The following SPATA9 variants were observed in gnomAD, a reference collection of about 807,000 sequenced individuals.
SPATA9 encodes spermatogenesis associated 9.
In SPATA9, 27 loss-of-function variants were observed where a neutral mutation model predicts 25.5. The observed-to-expected ratio is 1.06, with a 90% CI of 0.78 to 1.46. SPATA9 has a LOEUF of 1.46. Ranked by LOEUF, SPATA9 falls within the 40% of genes most tolerant of loss-of-function variation. The pLI is 0.00. For synonymous variants in SPATA9, 102 were observed against 105.7 expected (o/e 0.97, Z 0.21); for missense variants, 282 against 297.5 (o/e 0.95, Z 0.38).
chr5:95,680,043 G>A (rs950942129), intron 2 of SPATA9, among the ~76,000 whole-genome samples: 6 of 152,110 alleles, frequency 3.9e-5, no homozygotes, highest in East Asian at 1.9e-4. Context: ...GACTACAGGC[G>A]CCCGCCACAT....
upstream of SPATA9, among the ~76,000 whole-genome samples, chr5:95,700,168 T>C (rs186154162): frequency 6.6e-6 from 1 of 152,318 alleles, no homozygotes; most frequent in East Asian, 1.9e-4. Flanking sequence ...TAACCACCTA[T>C]AGTTTATAAT....
chr5:95,682,946 G>A lies in SPATA9; in HGVS notation c.-92C>T, dbSNP rs529599959. The A allele has an allele frequency of 5.0e-6, 7 of 1,398,610 alleles. No homozygotes were observed. The Admixed American group carries it at 2.0e-4, about 39-fold the overall frequency. 86.6% of individuals were successfully genotyped at this position (1,398,610 alleles called of 1,614,324 possible). ...CTGCCATTAGTGAAAGATGAGGGTA[G>A]CCTTCCACTTGGGAAAGCCAGCAAG... On this transcript the variant is annotated 5_prime_UTR_variant, in exon 1 of 5. Coordinates refer to ENST00000274432, the MANE Select transcript of SPATA9 (RefSeq NM_031952.4).
At chr5:95,658,272 T>C (rs1490615916), downstream of SPATA9, among the ~76,000 whole-genome samples, 1 of 151,202 alleles carries the variant, frequency 6.6e-6, no homozygotes, top group African/African-American at 2.5e-5. Context: ...TTGATGGGGC[T>C]TTTTTTCCTC....
At position 95,672,563 on chromosome 5, in the gene SPATA9, CATAAG is replaced by C. The variant is rs201394175; in HGVS notation, c.378+2844_378+2848del. On this transcript the variant is annotated intron_variant, in intron 3 of 4. Transcript: ENST00000274432. ...TATAAGTGAGATGCAATATAGATCACATAAGATAATTAGAATAAGGGCAAAGAAGA... is the reference window on the plus strand; with the variant it reads ...TATAAGTGAGATGCAATATAGATCACATAATTAGAATAAGGGCAAAGAAGA... Among the ~76,000 whole-genome samples the C allele has an allele frequency of 8.3e-3, 1,260 of 151,244 alleles. 19 individuals carry two copies. Among genetic ancestry groups the C allele is most frequent in the African/African-American group, 0.028 (1,131 of 41,126 alleles).
chr5:95,677,135 T>C (rs1753010663), intron 2 of SPATA9, among the ~76,000 whole-genome samples: 1 of 152,232 alleles, frequency 6.6e-6, no homozygotes, highest in Non-Finnish European at 1.5e-5. Flanking sequence ...TGCACCTCGA[T>C]TTTGCATCCC....
chr5:95,709,307 T>C, the SPATA9 span, among the ~76,000 whole-genome samples: 2 of 152,210 alleles, frequency 1.3e-5, no homozygotes, highest in African/African-American at 4.8e-5. Flanking sequence ...AATGGGCATC[T>C]CTTAGCTTAG....
intron 1 of SPATA9, 88 bp from the exon 2 acceptor site, chr5:95,682,704 T>C (rs1753570626): frequency 6.6e-7 from 1 of 1,504,500 alleles, no homozygotes; most frequent in Non-Finnish European, 9.1e-7. Flanking sequence ...ATCAAATTCC[T>C]AGATGACTCG....
At chr5:95,731,305 T>A in the SPATA9 span, 1 of 1,044,336 alleles carries the variant, frequency 9.6e-7, no homozygotes, top group Non-Finnish European at 1.1e-6. Flanking sequence ...CCCCCTTCTC[T>A]GCTTAGAGGA....
At chr5:95,711,962 A>C in the SPATA9 span, among the ~76,000 whole-genome samples, 1 of 152,322 alleles carries the variant, frequency 6.6e-6, no homozygotes, top group South Asian at 2.1e-4. Context: ...ATTCTACTTT[A>C]CAGAGTGTCC....
At chr5:95,672,441 C>A (rs942561618) in intron 3 of SPATA9, among the ~76,000 whole-genome samples, 1 of 150,008 alleles carries the variant, frequency 6.7e-6, no homozygotes, top group East Asian at 1.9e-4. Context: ...GTTTCACCAC[C>A]AAGGCCAAAA....
At chr5:95,701,987 T>C (rs913043663), upstream of SPATA9, among the ~76,000 whole-genome samples, 5 of 152,234 alleles carry the variant, frequency 3.3e-5, no homozygotes, top group African/African-American at 4.8e-5. Context: ...TAATGGAGTA[T>C]ATTTAAATCC....
chr5:95,654,999 C>G (rs1750653005), downstream of SPATA9, among the ~76,000 whole-genome samples: 1 of 152,136 alleles, frequency 6.6e-6, no homozygotes, highest in Non-Finnish European at 1.5e-5. Flanking sequence ...GTCTTTGCTT[C>G]CTTGGATTCC....
At chr5:95,661,633 A>G (rs1231637343) in intron 4 of SPATA9, among the ~76,000 whole-genome samples, 3 of 152,200 alleles carry the variant, frequency 2.0e-5, no homozygotes, top group Admixed American at 2.0e-4. Context: ...CCAATTTTGT[A>G]TAAGATTCAC....
downstream of SPATA9, among the ~76,000 whole-genome samples, chr5:95,653,575 C>T (rs992867521): frequency 1.2e-4 from 18 of 152,160 alleles, no homozygotes; most frequent in East Asian, 3.8e-4. Context: ...GAGTCTCTAA[C>T]GCAAAGTAAT....
downstream of SPATA9, chr5:95,656,028 A>T: frequency 6.2e-7 from 1 of 1,608,202 alleles, no homozygotes; most frequent in Non-Finnish European, 8.5e-7. Context: ...ATATTAAATG[A>T]GTTATTCTCT....
chr5:95,674,702 C>T (rs1168535540), intron 3 of SPATA9: 8 of 451,508 alleles, frequency 1.8e-5, no homozygotes, highest in Non-Finnish European at 3.1e-5. Context: ...CCAGCCATGT[C>T]GGGAATCTCA....
chr5:95,708,688 A>G, the SPATA9 span: 1 of 695,540 alleles, frequency 1.4e-6, no homozygotes, highest in South Asian at 1.5e-5. Context: ...TCCTGCTGCA[A>G]GGTTGACACT....
At chr5:95,711,363 C>T in the SPATA9 span, among the ~76,000 whole-genome samples, 66 of 152,214 alleles carry the variant, frequency 4.3e-4, no homozygotes, top group African/African-American at 1.4e-3. Flanking sequence ...CCAGGTGGGC[C>T]GATGGGTCTG....
the SPATA9 span, among the ~76,000 whole-genome samples, chr5:95,712,667 A>C: frequency 2.6e-5 from 4 of 152,168 alleles, no homozygotes; most frequent in African/African-American, 9.7e-5. Context: ...GGGCCACTTG[A>C]AGATGTTGAA....
Sources: allele counts gnomAD v4.1 joint callset (sites outside exome capture counted in the v4.1 genomes callset), GRCh38; gene constraint gnomAD v4.1.1; transcripts MANE v1.5; gene names NCBI Gene and HGNC (gene_info 2026-07-23, HGNC 2026-07-21).